Variants in ARHGAP24 observed in about 807,000 individuals in gnomAD.
ARHGAP24 encodes the protein rho GTPase-activating protein 24.
ARHGAP24 carries 50 observed loss-of-function variants against 76.4 expected under a neutral mutation model. The ratio of observed to expected loss-of-function variants is 0.65; its 90% CI spans 0.52 to 0.83. The LOEUF (loss-of-function observed/expected upper bound fraction) is 0.83. Ranked by LOEUF, ARHGAP24 falls within the 40% of genes least tolerant of loss-of-function variation. ARHGAP24 has a pLI of 0.00. For missense variants in ARHGAP24, 930 were observed against 914.2 expected (o/e 1.02, Z -0.22); for synonymous variants, 345 against 323.3 (o/e 1.07, Z -0.72).
chr4:85,944,090 T>A (rs1737110200), intron 5 of ARHGAP24, among the ~76,000 whole-genome samples: 1 of 152,156 alleles, frequency 6.6e-6, no homozygotes, highest in Non-Finnish European at 1.5e-5. Flanking sequence ...TGTAAAAGTG[T>A]TCCTATTTTT....
At chr4:85,856,714 C>T (rs1039827242) in intron 3 of ARHGAP24, among the ~76,000 whole-genome samples, 1 of 152,092 alleles carries the variant, frequency 6.6e-6, no homozygotes, top group Non-Finnish European at 1.5e-5. Flanking sequence ...ACGTGATCCA[C>T]TCACCTTGGC....
rs1578473163 is a variant in ARHGAP24 at position 85,988,953 on chromosome 4, A to G, written c.929-5630A>G. 2.0e-5 allele frequency among the ~76,000 whole-genome samples: 3 copies of G among 151,820 alleles called. No individual in the cohort carries two copies. The South Asian group carries it at 6.2e-4, about 31-fold the overall frequency. Reference sequence around the variant, plus strand: ...CTTATATCAGAAAGAATAAAGACCTAAATTTAATTATCTAAGTTTCCTTTT... The same window carrying G: ...CTTATATCAGAAAGAATAAAGACCTGAATTTAATTATCTAAGTTTCCTTTT... On this transcript the variant is annotated intron_variant, in intron 8 of 9. Coordinates refer to ENST00000395184, the MANE Select transcript of ARHGAP24 (RefSeq NM_001025616.3).
chr4:85,910,699 A>G (rs972598516), intron 3 of ARHGAP24, among the ~76,000 whole-genome samples: 9 of 151,940 alleles, frequency 5.9e-5, no homozygotes, highest in African/African-American at 1.9e-4. Flanking sequence ...AGGCAGGTCA[A>G]CCCATCATCT....
At chr4:85,849,346 G>A (rs1431616037) in intron 3 of ARHGAP24, among the ~76,000 whole-genome samples, 1 of 151,438 alleles carries the variant, frequency 6.6e-6, no homozygotes, top group African/African-American at 2.4e-5. Flanking sequence ...GGATATTTTG[G>A]GCTGAGACGA....
intron 2 of ARHGAP24, among the ~76,000 whole-genome samples, chr4:85,686,281 G>A (rs1468162722): frequency 6.6e-6 from 1 of 152,154 alleles, no homozygotes. Context: ...AAGGAATAAT[G>A]AGCCAATATG....
At chr4:85,478,670 C>A (rs959106055) in intron 1 of ARHGAP24, among the ~76,000 whole-genome samples, 3 of 152,128 alleles carry the variant, frequency 2.0e-5, no homozygotes, top group African/African-American at 7.2e-5. Flanking sequence ...CAAGCCCTTT[C>A]TTTTTAGCTC....
chr4:85,767,704 A>G (rs1726983069), intron 3 of ARHGAP24, among the ~76,000 whole-genome samples: 3 of 152,216 alleles, frequency 2.0e-5, no homozygotes, highest in African/African-American at 7.2e-5. Flanking sequence ...TATTATAGTC[A>G]TGGTAGAACA....
chr4:85,637,345 A>G (rs544139337), intron 2 of ARHGAP24, among the ~76,000 whole-genome samples: 1 of 152,210 alleles, frequency 6.6e-6, no homozygotes, highest in East Asian at 1.9e-4. Flanking sequence ...TATAATCCCA[A>G]ATTTTGACAA....
intron 3 of ARHGAP24, among the ~76,000 whole-genome samples, chr4:85,783,356 G>A (rs1485890949): frequency 6.6e-6 from 1 of 152,050 alleles, no homozygotes; most frequent in Non-Finnish European, 1.5e-5. Flanking sequence ...GACCTACATT[G>A]TTTCAGTGAC....
chr4:85,600,685 A>G (rs1230175939), intron 2 of ARHGAP24, among the ~76,000 whole-genome samples: 1 of 152,212 alleles, frequency 6.6e-6, no homozygotes, highest in East Asian at 1.9e-4. Flanking sequence ...TAAGCTACTC[A>G]CTTGAAGAAC....
At chr4:85,548,765 C>T (rs189756970) in intron 1 of ARHGAP24, among the ~76,000 whole-genome samples, 17 of 152,296 alleles carry the variant, frequency 1.1e-4, no homozygotes, top group Admixed American at 5.9e-4. Flanking sequence ...TCTCCTGTCT[C>T]ATCAAGATGT....
chr4:85,828,144 G>C (rs757016524), intron 3 of ARHGAP24, among the ~76,000 whole-genome samples: 1 of 152,146 alleles, frequency 6.6e-6, no homozygotes, highest in Non-Finnish European at 1.5e-5. Flanking sequence ...GCTCTCCACG[G>C]TGTCTACATT....
At chr4:85,851,117 A>G (rs1282989691) in intron 3 of ARHGAP24, among the ~76,000 whole-genome samples, 1 of 152,174 alleles carries the variant, frequency 6.6e-6, no homozygotes, top group African/African-American at 2.4e-5. Context: ...GACTTGCTTT[A>G]TGAATCTGGG....
intron 3 of ARHGAP24, among the ~76,000 whole-genome samples, chr4:85,840,481 A>G (rs1400473828): frequency 6.6e-6 from 1 of 152,198 alleles, no homozygotes; most frequent in Non-Finnish European, 1.5e-5. Flanking sequence ...CGAGCCCAGC[A>G]TTTTGACTGG....
chr4:85,889,221 A>T (rs1448285309), intron 3 of ARHGAP24, among the ~76,000 whole-genome samples: 5 of 152,242 alleles, frequency 3.3e-5, no homozygotes, highest in Non-Finnish European at 7.3e-5. Context: ...CTATATGGAC[A>T]TGGGGTAAGT....
intron 3 of ARHGAP24, among the ~76,000 whole-genome samples, chr4:85,738,064 G>C (rs1725667813): frequency 6.6e-6 from 1 of 152,004 alleles, no homozygotes; most frequent in South Asian, 2.1e-4. Flanking sequence ...GAGATTAAAG[G>C]CGCCCACCAC....
At chr4:85,829,546 C>A (rs345363) in intron 3 of ARHGAP24, among the ~76,000 whole-genome samples, 1 of 151,912 alleles carries the variant, frequency 6.6e-6, no homozygotes, top group Non-Finnish European at 1.5e-5. Context: ...GCTTTCTATG[C>A]GAGTTAAGAA....
chr4:85,831,753 T>A (rs943504388), intron 3 of ARHGAP24, among the ~76,000 whole-genome samples: 1 of 151,862 alleles, frequency 6.6e-6, no homozygotes, highest in African/African-American at 2.4e-5. Flanking sequence ...AATACAAAAA[T>A]TAGTGGGACA....
At chr4:85,870,020 C>T (rs1732434770) in intron 3 of ARHGAP24, among the ~76,000 whole-genome samples, 1 of 152,184 alleles carries the variant, frequency 6.6e-6, no homozygotes, top group Middle Eastern at 3.4e-3. Context: ...GTAAAATGGG[C>T]CTGACAATAA....
Sources: allele counts gnomAD v4.1 joint callset (sites outside exome capture counted in the v4.1 genomes callset), GRCh38; gene constraint gnomAD v4.1.1; transcripts MANE v1.5; gene names NCBI Gene and HGNC (gene_info 2026-07-23, HGNC 2026-07-21).